Variants in PRKCE observed in about 807,000 individuals in gnomAD.
The protein encoded by PRKCE is protein kinase C epsilon.
PRKCE carries 16 observed loss-of-function variants against 85.4 expected under a neutral mutation model. The observed-to-expected ratio is 0.19, with a 90% CI of 0.13 to 0.28. PRKCE has a LOEUF of 0.28. PRKCE is among the 10% of genes least tolerant of loss of function. The pLI is 1.00. For synonymous variants in PRKCE, 388 were observed against 371.5 expected, an observed-to-expected ratio of 1.04 and a Z score of -0.51; for missense variants, 573 against 975.2, an observed-to-expected ratio of 0.59 and a Z score of 5.49.
chr2:45,761,417 C>T (rs1290862234), intron 1 of PRKCE, among the ~76,000 whole-genome samples: 3 of 151,950 alleles, frequency 2.0e-5, no homozygotes, highest in African/African-American at 7.3e-5. Context: ...TCAATAGCTG[C>T]CATGTGTTAA....
At chr2:46,115,302 C>T (rs1318703224) in intron 11 of PRKCE, among the ~76,000 whole-genome samples, 2 of 152,208 alleles carry the variant, frequency 1.3e-5, no homozygotes, top group African/African-American at 4.8e-5. Context: ...TCCATCCTGC[C>T]AGGTCCCTGT....
At chr2:46,133,175 C>T (rs1269195353) in intron 11 of PRKCE, among the ~76,000 whole-genome samples, 3 of 152,224 alleles carry the variant, frequency 2.0e-5, no homozygotes, top group Non-Finnish European at 4.4e-5. Context: ...TTGGGTTCTA[C>T]GGTCCACTTC....
intron 11 of PRKCE, among the ~76,000 whole-genome samples, chr2:46,119,989 C>A (rs1418583040): frequency 1.3e-5 from 2 of 149,506 alleles, no homozygotes; most frequent in East Asian, 3.9e-4. Context: ...GCTCCTTGGG[C>A]ACCTTTTGGA....
At chr2:45,918,117 C>G (rs548423686) in intron 2 of PRKCE, among the ~76,000 whole-genome samples, 24 of 152,368 alleles carry the variant, frequency 1.6e-4, no homozygotes, top group African/African-American at 5.5e-4. Context: ...CAGAAAGGGG[C>G]TCCCAGAGTG....
intron 1 of PRKCE, 94 bp from the exon 2 acceptor site, chr2:45,842,906 C>G: frequency 1.7e-6 from 2 of 1,154,058 alleles, no homozygotes; most frequent in Non-Finnish European, 2.6e-6. Flanking sequence ...AGCTGTGTCT[C>G]TAGGTTTTAG....
chr2:46,012,760 A>C (rs969270797), intron 10 of PRKCE, among the ~76,000 whole-genome samples: 2 of 152,212 alleles, frequency 1.3e-5, no homozygotes, highest in African/African-American at 4.8e-5. Flanking sequence ...GATGTCTTCA[A>C]TGTCAGCAGT....
intron 2 of PRKCE, among the ~76,000 whole-genome samples, chr2:45,852,943 G>A (rs938469353): frequency 6.6e-6 from 1 of 152,212 alleles, no homozygotes; most frequent in Non-Finnish European, 1.5e-5. Context: ...GCTCCCAGGA[G>A]ATGTCTGTGC....
intron 14 of PRKCE, among the ~76,000 whole-genome samples, chr2:46,161,388 A>T (rs1161167477): frequency 6.6e-6 from 1 of 152,260 alleles, no homozygotes; most frequent in Non-Finnish European, 1.5e-5. Flanking sequence ...AAGTAGTGCT[A>T]AGTGAAGAAT....
chr2:45,732,005 C>G (rs981729290), intron 1 of PRKCE, among the ~76,000 whole-genome samples: 1 of 152,208 alleles, frequency 6.6e-6, no homozygotes, highest in Non-Finnish European at 1.5e-5. Flanking sequence ...CTGTCAGCCA[C>G]AGTCCTAGAA....
At chr2:45,778,562 C>T (rs1375761164) in intron 1 of PRKCE, among the ~76,000 whole-genome samples, 1 of 152,076 alleles carries the variant, frequency 6.6e-6, no homozygotes, top group Non-Finnish European at 1.5e-5. Context: ...CACACATCTC[C>T]CCCTCTACAC....
chr2:46,044,703 C>T (rs1391679201), intron 10 of PRKCE, among the ~76,000 whole-genome samples: 1 of 152,120 alleles, frequency 6.6e-6, no homozygotes, highest in Non-Finnish European at 1.5e-5. Context: ...TCACCACACA[C>T]GAAGCTTTAA....
intron 2 of PRKCE, among the ~76,000 whole-genome samples, chr2:45,942,246 A>G (rs554817316): frequency 2.0e-5 from 3 of 152,322 alleles, no homozygotes; most frequent in Admixed American, 6.5e-5. Context: ...TTAAGGTCCA[A>G]AAACACCAAT....
chr2:45,881,152 C>CAA (rs770824515), intron 2 of PRKCE, among the ~76,000 whole-genome samples: 7,057 of 90,998 alleles, frequency 0.078, 740 homozygotes, highest in African/African-American at 0.25. Flanking sequence ...GACTCCGTCT[C>CAA]AAAAAAAAAA....
chr2:45,984,439 C>T, intron 5 of PRKCE, 112 bp from the exon 6 acceptor site: 3 of 1,466,424 alleles, frequency 2.0e-6, no homozygotes, highest in South Asian at 2.6e-5. Context: ...TAGGGCCTGC[C>T]ACCTACAATG....
rs748486039 is a variant in PRKCE at position 46,086,377 on chromosome 2, C to A, written c.1592+15C>A. Reference sequence around the variant, plus strand: ...GTCATCTACAGGTAGCCTCTTCTCTCCTCCTCTTTCCTGAAAGTGAAGAAA... The same window carrying A: ...GTCATCTACAGGTAGCCTCTTCTCTACTCCTCTTTCCTGAAAGTGAAGAAA... On this transcript the variant is annotated intron_variant, in intron 11 of 14. Coordinates refer to ENST00000306156, the MANE Select transcript of PRKCE (RefSeq NM_005400.3). 3 of 1,590,746 alleles carry A rather than the reference C, an allele frequency of 1.9e-6. No homozygotes were observed. The East Asian group carries it at 6.7e-5, about 36-fold the overall frequency.
chr2:46,139,667 CAT>C lies in PRKCE; in HGVS notation c.1593-5413_1593-5412del, dbSNP rs373753187. Among the ~76,000 whole-genome samples the C allele has an allele frequency of 3.6e-4, 53 of 146,204 alleles. No homozygotes were observed. The highest frequency in any genetic ancestry group is 9.7e-4 in the African/African-American group (38 of 39,152). On this transcript the variant is annotated intron_variant, in intron 11 of 14. Coordinates refer to ENST00000306156, the MANE Select transcript of PRKCE (RefSeq NM_005400.3). This position sits in a 1 kb window ranked among gnomAD's most constrained non-coding sequence, Gnocchi z 5.2. ...GCAATATACAGAATATATAGAGGAA[CAT>C]ATATATATATATGCGTATATATATG...
rs1263839722 is a variant in PRKCE, at chr2:45,774,405, C to T, written c.349-68595C>T. Among the ~76,000 whole-genome samples the T allele has an allele frequency of 2.0e-5, 3 of 152,194 alleles. No homozygotes were observed. The highest frequency in any genetic ancestry group is 4.4e-5 in the Non-Finnish European group (3 of 68,030). ...GTGAACCCAGGATGAGGCAGAGTCCCGTCAGAGGCCTGTACAGGCAAACTC... is the reference window on the plus strand; with the variant it reads ...GTGAACCCAGGATGAGGCAGAGTCCTGTCAGAGGCCTGTACAGGCAAACTC... On this transcript the variant is annotated intron_variant, in intron 1 of 14. Coordinates refer to ENST00000306156, the MANE Select transcript of PRKCE (RefSeq NM_005400.3). This position sits in a 1 kb window ranked among gnomAD's most constrained non-coding sequence, Gnocchi z 4.3.
At position 45,905,535 on chromosome 2, in the gene PRKCE, G is replaced by A. The variant is rs994362681; in HGVS notation, c.412+62472G>A. ...TGCCATCTGGTAAAACACAGCTTAA[G>A]CACATTGGAGCCCTGTGAGCTTTCC... On this transcript the variant is annotated intron_variant, in intron 2 of 14. Transcript: ENST00000306156. The surrounding 1 kb of genome is among the most constrained non-coding windows in gnomAD (Gnocchi z 4.4). Among the ~76,000 whole-genome samples, 2 of 152,198 alleles carry A rather than the reference G, an allele frequency of 1.3e-5. No individual in the cohort carries two copies. The highest frequency in any genetic ancestry group is 1.9e-4 in the East Asian group (1 of 5,202).
At chr2:45,658,448 A>G (rs1175420439) in intron 1 of PRKCE, among the ~76,000 whole-genome samples, 3 of 152,154 alleles carry the variant, frequency 2.0e-5, no homozygotes, top group Non-Finnish European at 2.9e-5. Context: ...TTTAGTGAAT[A>G]TTTGAGACCC....
Sources: gnomAD v4.1 joint callset for allele counts (sites outside exome capture counted in the v4.1 genomes callset) on GRCh38, gnomAD v4.1.1 for gene constraint, Gnocchi (gnomAD v3.1) non-coding constraint, MANE v1.5 for transcripts, NCBI Gene and HGNC (gene_info 2026-07-23, HGNC 2026-07-21) for gene names.